FASTKD2: variants seen among roughly 807,000 people sequenced by gnomAD.
FASTKD2 encodes FAST kinase domains 2.
Under a neutral mutation model 63.6 loss-of-function variants are expected in FASTKD2, and 51 were observed. That is an observed-to-expected ratio of 0.80 (90% CI 0.64 to 1.01). The LOEUF is 1.01. Ranked by LOEUF, FASTKD2 falls within the 50% of genes least tolerant of loss-of-function variation. FASTKD2 has a pLI of 0.00. For synonymous variants in FASTKD2, 284 were observed against 293.4 expected, an observed-to-expected ratio of 0.97 and a Z score of 0.33; for missense variants, 786 against 831.1, an observed-to-expected ratio of 0.95 and a Z score of 0.67.
intron 4 of FASTKD2, among the ~76,000 whole-genome samples, chr2:206,771,623 C>T (rs1394278470): frequency 7.3e-6 from 1 of 137,852 alleles, no homozygotes; most frequent in Non-Finnish European, 1.5e-5. Context: ...TTGAGACCAG[C>T]CTGGGTGACT....
chr2:206,791,850 TA>T lies in FASTKD2; in HGVS notation c.*50del. 3.8e-6 allele frequency: 6 copies of T among 1,569,838 alleles called. No homozygotes were observed. Among genetic ancestry groups the T allele is most frequent in the Non-Finnish European group, 5.2e-6 (6 of 1,147,164 alleles). On this transcript the variant is annotated 3_prime_UTR_variant, in exon 12 of 12. Coordinates refer to ENST00000402774, the MANE Select transcript of FASTKD2 (RefSeq NM_001136193.2). ...TTAGGAGACATGCATTTGTAAAAAT[TA>T]ATAAAGATGACAAGTCAGTTGTCAA...
At chr2:206,788,512 TC>T (rs1690195258) in intron 9 of FASTKD2, among the ~76,000 whole-genome samples, 1 of 152,006 alleles carries the variant, frequency 6.6e-6, no homozygotes, top group South Asian at 2.1e-4. Flanking sequence ...GGCAGGTGGA[TC>T]ACTGGAGCTC....
At chr2:206,790,754 T>C (rs1200435734) in intron 11 of FASTKD2, 68 bp downstream of exon 11, 4 of 963,358 alleles carry the variant, frequency 4.2e-6, no homozygotes, top group Admixed American at 1.7e-5. Flanking sequence ...GCCAGGAATC[T>C]TGTGGTTGAG....
intron 7 of FASTKD2, among the ~76,000 whole-genome samples, chr2:206,782,464 G>C (rs1690015993): frequency 6.6e-6 from 1 of 152,148 alleles, no homozygotes; most frequent in Non-Finnish European, 1.5e-5. Context: ...CTATTCATTT[G>C]GTCTCAAGCT....
At chr2:206,769,422 A>G (rs547051083) in intron 2 of FASTKD2, among the ~76,000 whole-genome samples, 13 of 152,326 alleles carry the variant, frequency 8.5e-5, no homozygotes, top group Admixed American at 2.6e-4. Context: ...TAGTGATTAA[A>G]CTGTAGAGTA....
chr2:206,773,607 G>T (rs572061713), intron 6 of FASTKD2, among the ~76,000 whole-genome samples: 1 of 152,228 alleles, frequency 6.6e-6, no homozygotes, highest in Admixed American at 6.5e-5. Flanking sequence ...AGATCTCTAG[G>T]TTCAGTTTAT....
chr2:206,770,101 A>G lies in FASTKD2; in HGVS notation c.788A>G (p.Asn263Ser), dbSNP rs750029141. ...ATTATATTTCAATAGGAACGTATCA[A>G]TGAGTGTGATGAGATATGCCTTTCA... ...TLLRVTQERI[N>S]ECDEICLSVL... Residue 263 changes from asparagine to serine, a missense_variant, in exon 3 of 12, where the codon AAT becomes AGT. Physicochemically the swap from Asn to Ser is conservative, Grantham distance 46. Coordinates refer to ENST00000402774, the MANE Select transcript of FASTKD2 (RefSeq NM_001136193.2). 3.1e-5 allele frequency: 49 copies of G among 1,597,630 alleles called. No homozygotes were observed. Among genetic ancestry groups the G allele is most frequent in the East Asian group, 1.3e-4 (6 of 44,802 alleles).
At position 206,767,294 on chromosome 2, in the gene FASTKD2, C is replaced by T. The variant is rs750930063; in HGVS notation, c.601C>T (p.Arg201Cys). Reference protein sequence around the residue: ...IAKRLSDDQKRFEKRLMFSHP... With the variant: ...IAKRLSDDQKCFEKRLMFSHP... ...CAAAAGACTGTCTGATGACCAGAAG[C>T]GCTTTGAAAAACGACTGATGTTTAG... The change falls in exon 2 of 12, where the codon CGC (arginine) becomes TGC (cysteine). Residue 201 changes from arginine (R) to cysteine (C), a missense_variant. Physicochemically the swap from Arg to Cys is radical, Grantham distance 180. Coordinates refer to ENST00000402774, the MANE Select transcript of FASTKD2 (RefSeq NM_001136193.2). 71 of 1,614,038 alleles carry T rather than the reference C, an allele frequency of 4.4e-5. No individual in the cohort carries two copies. The highest frequency in any genetic ancestry group is 5.3e-5 in the Non-Finnish European group (62 of 1,180,030).
At position 206,794,293 on chromosome 2, in the gene FASTKD2, C is replaced by A. The variant is rs1057406715; in HGVS notation, c.*2491C>A. Among the ~76,000 whole-genome samples the A allele has an allele frequency of 2.6e-5, 4 of 152,056 alleles. No homozygotes were observed. The highest frequency in any genetic ancestry group is 9.7e-5 in the African/African-American group (4 of 41,400). ...TAAATGCTCATTTTGTGTGAGATAT[C>A]CAAATATTTTTTTCAGAATCCCTAA... On this transcript the variant is annotated 3_prime_UTR_variant, in exon 12 of 12. Transcript: ENST00000402774.
At chr2:206,791,530 T>G in intron 11 of FASTKD2, 153 bp from the exon 12 acceptor site, 1 of 680,540 alleles carries the variant, frequency 1.5e-6, no homozygotes, top group Non-Finnish European at 2.6e-6. Context: ...GCATGTAGTC[T>G]TATTATGCCT....
chr2:206,780,587 G>A (rs866040988), intron 7 of FASTKD2, among the ~76,000 whole-genome samples: 2 of 152,112 alleles, frequency 1.3e-5, no homozygotes, highest in Admixed American at 1.3e-4. Flanking sequence ...GTATCTTAAT[G>A]TATGTTTCTT....
intron 10 of FASTKD2, chr2:206,789,183 T>C: frequency 2.7e-6 from 1 of 377,230 alleles, no homozygotes; most frequent in South Asian, 3.0e-5. Flanking sequence ...TTAATATAAT[T>C]GAAACTATCA....
At chr2:206,766,514 T>TA (rs1157457450) in intron 1 of FASTKD2, 130 bp from the exon 2 acceptor site, 2 of 609,144 alleles carry the variant, frequency 3.3e-6, no homozygotes, top group East Asian at 2.9e-5. Context: ...AAAAAAAACT[T>TA]TTACTGTTTT....
In FASTKD2 at chr2:206,792,017, C is replaced by G; in HGVS notation, c.*215C>G. 1 of 549,980 alleles carries G rather than the reference C, an allele frequency of 1.8e-6. No homozygotes were observed. Among genetic ancestry groups the G allele is most frequent in the South Asian group, 2.0e-5 (1 of 48,996 alleles). 34.1% of individuals were successfully genotyped at this position (549,980 alleles called of 1,614,324 possible). On this transcript the variant is annotated 3_prime_UTR_variant, in exon 12 of 12. Coordinates refer to ENST00000402774, the MANE Select transcript of FASTKD2 (RefSeq NM_001136193.2). ...AGAAGGGTTATTTTTCCAACCACAC[C>G]TATTCCCTCTAGTGCCCAGATATTT...
At chr2:206,780,688 C>T (rs1007633048) in intron 7 of FASTKD2, among the ~76,000 whole-genome samples, 2 of 152,144 alleles carry the variant, frequency 1.3e-5, no homozygotes, top group Non-Finnish European at 2.9e-5. Flanking sequence ...CCACTATTTC[C>T]TTAAATAAGC....
At position 206,785,768 on chromosome 2, in the gene FASTKD2, A is replaced by T. The variant is rs151001114; in HGVS notation, c.1428-965A>T. 3.0e-3 allele frequency among the ~76,000 whole-genome samples: 457 copies of T among 152,276 alleles called. 4 individuals carry two copies. Among genetic ancestry groups the T allele is most frequent in the East Asian group, 0.013 (67 of 5,180 alleles). ...TAATTCCTATCGTTTTCCTGGCCTT[A>T]TCACAGCCCTTCATCCTCCCCAACA... On this transcript the variant is annotated intron_variant, in intron 7 of 11. Transcript: ENST00000402774.
At chr2:206,774,652 C>T (rs965342747) in intron 7 of FASTKD2, among the ~76,000 whole-genome samples, 1 of 152,026 alleles carries the variant, frequency 6.6e-6, no homozygotes, top group African/African-American at 2.4e-5. Context: ...TGATTTCAAA[C>T]CCTCCCAGCT....
chr2:206,772,008 GTGGTCC>G lies in FASTKD2; in HGVS notation c.1107_1112del (p.Val370_Leu371del). 6.2e-7 allele frequency: 1 copy of G among 1,613,778 alleles called. No individual in the cohort carries two copies. The highest frequency in any genetic ancestry group is 1.1e-5 in the South Asian group (1 of 91,058). ...TATACTCCTGGATGAATGCAGTAAG[GTGGTCC>G]TAGGTAAGAGGAATTTTTCTTTCAT... On this transcript the variant is annotated inframe_deletion, in exon 5 of 12. Transcript: ENST00000402774.
At chr2:206,781,001 C>T (rs1689957145) in intron 7 of FASTKD2, among the ~76,000 whole-genome samples, 1 of 152,048 alleles carries the variant, frequency 6.6e-6, no homozygotes, top group Non-Finnish European at 1.5e-5. Context: ...TTATTTTGCT[C>T]ATATATCATT....
Sources: gnomAD v4.1 joint callset for allele counts (sites outside exome capture counted in the v4.1 genomes callset) on GRCh38, gnomAD v4.1.1 for gene constraint, MANE v1.5 for transcripts, NCBI Gene and HGNC (gene_info 2026-07-23, HGNC 2026-07-21) for gene names.